PI4KA: variants seen among roughly 807,000 people sequenced by gnomAD.
PI4KA encodes PI4-kinase alpha.
In PI4KA, 122 loss-of-function variants were observed where a neutral mutation model predicts 271.4. That is an observed-to-expected ratio of 0.45 (90% CI 0.39 to 0.52). The LOEUF (loss-of-function observed/expected upper bound fraction) is 0.52, where lower values mean the gene tolerates loss of function less well. Ranked by LOEUF, PI4KA falls within the 20% of genes least tolerant of loss-of-function variation. The probability of loss-of-function intolerance (pLI) is 0.00; values close to 1 mark genes in which losing one functional copy is unlikely to be tolerated. For missense variants in PI4KA, 1,969 were observed against 2,769.1 expected (o/e 0.71, Z 6.48); for synonymous variants, 1,041 against 1,078.8 (o/e 0.96, Z 0.69).
At chr22:20,752,548 T>C (rs747484607) in intron 25 of PI4KA, among the ~76,000 whole-genome samples, 1 of 152,158 alleles carries the variant, frequency 6.6e-6, no homozygotes, top group African/African-American at 2.4e-5. Flanking sequence ...CTTTTGTTCC[T>C]GAGAAGCCCA....
chr22:20,763,889 T>A (rs1201201838), intron 22 of PI4KA, among the ~76,000 whole-genome samples: 1 of 152,112 alleles, frequency 6.6e-6, no homozygotes, highest in Non-Finnish European at 1.5e-5. Context: ...AGCAGGAGGG[T>A]AGGGTGCATT....
Position 20,721,380 on chromosome 22 carries a change from A to G in PI4KA, c.5034T>C (p.Ser1678=). ...ACTGGTGTGCCAGAAGCTGGGATTT[A>G]GACGCTGCCCACAGAATATACTCCC... The part of the protein sequence containing the change: ...YVREYILWAA[S]KSQLLAHQFI... The change falls in exon 43 of 55, where the codon TCT becomes TCC. Residue 1678 remains serine, a synonymous_variant. Coordinates refer to ENST00000255882, the MANE Select transcript of PI4KA (RefSeq NM_058004.4). 6.2e-7 allele frequency: 1 copy of G among 1,613,950 alleles called. No homozygotes were observed. Among genetic ancestry groups the G allele is most frequent in the African/African-American group, 1.3e-5 (1 of 75,014 alleles).
In PI4KA at chr22:20,729,309, C is replaced by T. The variant is rs563927274; in HGVS notation, c.4682+4G>A. Reference sequence around the variant, plus strand: ...GTGTCAGGCTGTGGTGCCCGGGGGCCCACCTGGCAGGCAGCTGCACGGCTA... The same window carrying T: ...GTGTCAGGCTGTGGTGCCCGGGGGCTCACCTGGCAGGCAGCTGCACGGCTA... On this transcript the variant is annotated splice_donor_region_variant and intron_variant, in intron 39 of 54. Transcript: ENST00000255882. The T allele has an allele frequency of 9.3e-6, 15 of 1,611,380 alleles. No homozygotes were observed. Among genetic ancestry groups the T allele is most frequent in the Middle Eastern group, 1.7e-4 (1 of 6,054 alleles).
chr22:20,716,912 A>C (rs2329479), intron 45 of PI4KA, among the ~76,000 whole-genome samples: 46 of 152,330 alleles, frequency 3.0e-4, no homozygotes, highest in African/African-American at 1.1e-3. Flanking sequence ...ACATCTGCAC[A>C]GGACAGAGTT....
At position 20,756,297 on chromosome 22, in the gene PI4KA, C is replaced by T. The variant is rs138034202; in HGVS notation, c.2792-3117G>A. ...TGCGATCTCAGCTCACTGCAACCTC[C>T]GACGGGTTGCATTCCCAGATTCAAG... On this transcript the variant is annotated intron_variant, in intron 23 of 54. Transcript: ENST00000255882. Among the ~76,000 whole-genome samples, 394 of 150,320 alleles carry T rather than the reference C, an allele frequency of 2.6e-3. 2 individuals are homozygous for T. Among genetic ancestry groups the T allele is most frequent in the African/African-American group, 9.3e-3 (380 of 40,920 alleles).
intron 2 of PI4KA, among the ~76,000 whole-genome samples, chr22:20,837,762 T>C (rs1925040079): frequency 6.6e-6 from 1 of 152,128 alleles, no homozygotes; most frequent in Admixed American, 6.6e-5. Flanking sequence ...TACACAACAG[T>C]CACACTATTT....
At chr22:20,824,859 GTCGAGT>G (rs1923193044) in intron 3 of PI4KA, among the ~76,000 whole-genome samples, 1 of 151,204 alleles carries the variant, frequency 6.6e-6, no homozygotes, top group African/African-American at 2.4e-5. Context: ...ATCACCTGAG[GTCGAGT>G]TCAAGACCAG....
intron 4 of PI4KA, 66 bp from the exon 5 acceptor site, chr22:20,820,677 A>C: frequency 9.0e-7 from 1 of 1,116,540 alleles, no homozygotes; most frequent in Non-Finnish European, 1.3e-6. Context: ...CACGAAACTA[A>C]GTCAGAATTA....
At chr22:20,728,832 C>G (rs891892382) in intron 39 of PI4KA, among the ~76,000 whole-genome samples, 1 of 152,184 alleles carries the variant, frequency 6.6e-6, no homozygotes, top group African/African-American at 2.4e-5. Context: ...TCCCTCTCAG[C>G]CACCATCGGT....
rs769685714 is a variant in PI4KA, at chr22:20,742,605, T to C, written c.3613+3A>G. The C allele has an allele frequency of 8.1e-6, 13 of 1,614,020 alleles. No individual in the cohort carries two copies. The highest frequency in any genetic ancestry group is 1.1e-5 in the Non-Finnish European group (13 of 1,179,980). ...AGAATTCCACAGTGCTTCAGTGAGT[T>C]ACCTTTACTGCTAATGAGCATTGCG... On this transcript the variant is annotated splice_donor_region_variant and intron_variant, in intron 31 of 54. Coordinates refer to ENST00000255882, the MANE Select transcript of PI4KA (RefSeq NM_058004.4).
rs752755320 is a variant in PI4KA at position 20,765,564 on chromosome 22, G to A, written c.2437+21C>T. On this transcript the variant is annotated intron_variant, in intron 20 of 54. Transcript: ENST00000255882. ...TTCACTCTGCACTCCGTCTTCACTGGGAGAGAGATGATCCCCCTACCTGAG... is the reference window on the plus strand; with the variant it reads ...TTCACTCTGCACTCCGTCTTCACTGAGAGAGAGATGATCCCCCTACCTGAG... 67 of 1,487,078 alleles carry A rather than the reference G, an allele frequency of 4.5e-5. No homozygotes were observed. In the South Asian group the frequency reaches 5.6e-4, roughly 13 times the overall value. 92.1% of individuals were successfully genotyped at this position (1,487,078 alleles called of 1,614,324 possible).
At chr22:20,792,976 G>A (rs529754021) in intron 19 of PI4KA, among the ~76,000 whole-genome samples, 2 of 152,308 alleles carry the variant, frequency 1.3e-5, no homozygotes, top group Admixed American at 6.5e-5. Context: ...GAGGGGGTTC[G>A]GGCAGGTCAT....
intron 19 of PI4KA, among the ~76,000 whole-genome samples, chr22:20,767,936 A>AATTATT (rs58742158): frequency 0.056 from 7,940 of 141,442 alleles, 252 homozygotes; most frequent in African/African-American, 0.066. Flanking sequence ...CACCTGGCCT[A>AATTATT]ATTATTATTA....
intron 29 of PI4KA, among the ~76,000 whole-genome samples, chr22:20,745,796 C>A (rs992971879): frequency 6.6e-6 from 1 of 151,986 alleles, no homozygotes; most frequent in East Asian, 1.9e-4. Context: ...TGTTGTTACA[C>A]GTTCAACGTA....
chr22:20,752,155 G>A (rs927375747), intron 25 of PI4KA, among the ~76,000 whole-genome samples: 1 of 152,176 alleles, frequency 6.6e-6, no homozygotes, highest in Non-Finnish European at 1.5e-5. Flanking sequence ...CATGGGCTCC[G>A]ATGGCCCCAG....
At chr22:20,845,376 T>G (rs891023874) in intron 1 of PI4KA, among the ~76,000 whole-genome samples, 3 of 152,100 alleles carry the variant, frequency 2.0e-5, no homozygotes, top group Non-Finnish European at 2.9e-5. Flanking sequence ...ATTATAAAAG[T>G]TGGATAATTA....
chr22:20,782,700 G>C (rs939994824), intron 19 of PI4KA, among the ~76,000 whole-genome samples: 2 of 152,166 alleles, frequency 1.3e-5, no homozygotes, highest in African/African-American at 4.8e-5. Flanking sequence ...TCACAACCTG[G>C]GGGGTTGGAG....
chr22:20,792,225 C>T (rs372985010), intron 19 of PI4KA, among the ~76,000 whole-genome samples: 1 of 152,188 alleles, frequency 6.6e-6, no homozygotes, highest in South Asian at 2.1e-4. Flanking sequence ...TCATCTACCT[C>T]GGCCAGCCAA....
chr22:20,710,225 C>T, intron 52 of PI4KA: 2 of 599,666 alleles, frequency 3.3e-6, no homozygotes, highest in Non-Finnish European at 6.1e-6. Context: ...GCTGAGTGTC[C>T]TGCCCTGTCC....
Sources: gnomAD v4.1 joint callset for allele counts (sites outside exome capture counted in the v4.1 genomes callset) on GRCh38, gnomAD v4.1.1 for gene constraint, MANE v1.5 for transcripts, NCBI Gene and HGNC (gene_info 2026-07-23, HGNC 2026-07-21) for gene names.